The following DENND4B variants were observed in gnomAD, a reference collection of about 807,000 sequenced individuals.
The protein encoded by DENND4B is DENN domain-containing protein 4B.
In DENND4B, 67 loss-of-function variants were observed where a neutral mutation model predicts 161.0. The observed-to-expected ratio is 0.42, with a 90% CI of 0.34 to 0.51. The LOEUF (loss-of-function observed/expected upper bound fraction) is 0.51. Among genes scored for constraint, DENND4B ranks in the 20% least tolerant of loss-of-function variants. The pLI is 0.08. For missense variants in DENND4B, 1,481 were observed against 1,968.0 expected, an observed-to-expected ratio of 0.75 and a Z score of 4.68; for synonymous variants, 753 against 813.8, an observed-to-expected ratio of 0.93 and a Z score of 1.27.
chr1:153,930,161 C>G lies in DENND4B; in HGVS notation c.*136G>C. The G allele has an allele frequency of 8.3e-7, 1 of 1,208,122 alleles. No homozygotes were observed. The highest frequency in any genetic ancestry group is 1.1e-6 in the Non-Finnish European group (1 of 889,060). The allele number at this position is 1,208,122 out of a possible 1,614,324, so 74.8% of individuals were successfully genotyped here. ...ACAGTGGATCCCTCTTCCTGTTGTC[C>G]TCGCTTGGAGCCTTTGACTGGGCAT... On this transcript the variant is annotated 3_prime_UTR_variant, in exon 28 of 28. Coordinates refer to ENST00000361217, the MANE Select transcript of DENND4B (RefSeq NM_014856.3). This position sits in a 1 kb window ranked among gnomAD's most constrained non-coding sequence, Gnocchi z 4.7.
chr1:153,943,586 G>A (rs1259363944), intron 2 of DENND4B, among the ~76,000 whole-genome samples: 1 of 149,160 alleles, frequency 6.7e-6, no homozygotes, highest in Admixed American at 6.9e-5. Flanking sequence ...GCTGAGGCAG[G>A]AGAATTGCCT....
Position 153,930,485 on chromosome 1 carries a change from C to A in DENND4B, c.4346-43G>T. On this transcript the variant is annotated intron_variant, in intron 27 of 27. Coordinates refer to ENST00000361217, the MANE Select transcript of DENND4B (RefSeq NM_014856.3). This position sits in a 1 kb window ranked among gnomAD's most constrained non-coding sequence, Gnocchi z 4.7. ...AGTCAACATGTTAGGACCGCAGCCT[C>A]CCACACCTGGCCCCAGATCCCTAAA... 6.2e-7 allele frequency: 1 copy of A among 1,614,016 alleles called. No homozygotes were observed. Among genetic ancestry groups the A allele is most frequent in the Non-Finnish European group, 8.5e-7 (1 of 1,179,876 alleles).
Position 153,936,464 on chromosome 1 carries a change from G to T in DENND4B, c.2439+78C>A. ...AACTTCTTTCCTTAGTCTCCACCAA[G>T]TTTCCCTCTCACAGCCCTCTCCAGC... On this transcript the variant is annotated intron_variant, in intron 16 of 27. Transcript: ENST00000361217. The surrounding 1 kb of genome is among the most constrained non-coding windows in gnomAD (Gnocchi z 4.1). 1 of 1,430,428 alleles carries T rather than the reference G, an allele frequency of 7.0e-7. No homozygotes were observed. The highest frequency in any genetic ancestry group is 9.3e-7 in the Non-Finnish European group (1 of 1,071,356). 88.6% of individuals were successfully genotyped at this position (1,430,428 alleles called of 1,614,324 possible).
rs761798384 is a variant in DENND4B, at chr1:153,934,806, CTGCTGCTGCTGCTGCTGCTGCTGT to C, written c.2703_2726del (p.Gln903_Gln910del). ...CTTGATGTGCTGACACCTGCTCCTG[CTGCTGCTGCTGCTGCTGCTGCTGT>C]TGCTGCTGCTGCTGCTGTTGCCGTT... On this transcript the variant is annotated inframe_deletion, in exon 18 of 28. Coordinates refer to ENST00000361217, the MANE Select transcript of DENND4B (RefSeq NM_014856.3). The surrounding 1 kb of genome is among the most constrained non-coding windows in gnomAD (Gnocchi z 5.3). 1.3e-3 allele frequency: 1,001 copies of C among 787,008 alleles called. No individual in the cohort carries two copies. The highest frequency in any genetic ancestry group is 4.4e-3 in the Admixed American group (90 of 20,562). The allele number at this position is 787,008 out of a possible 1,614,324, so 48.8% of individuals were successfully genotyped here. A position where few individuals can be genotyped will look rare whatever the true frequency, so the allele number is the denominator to read the frequency against.
Position 153,930,485 on chromosome 1 carries a change from C to T in DENND4B, c.4346-43G>A, listed in dbSNP as rs1678839472. 3.1e-6 allele frequency: 5 copies of T among 1,614,016 alleles called. No individual in the cohort carries two copies. Among genetic ancestry groups the T allele is most frequent in the Non-Finnish European group, 4.2e-6 (5 of 1,179,876 alleles). On this transcript the variant is annotated intron_variant, in intron 27 of 27. Transcript: ENST00000361217. The surrounding 1 kb of genome is among the most constrained non-coding windows in gnomAD (Gnocchi z 4.7). The stretch of plus-strand genomic sequence containing the variant: ...AGTCAACATGTTAGGACCGCAGCCT[C>T]CCACACCTGGCCCCAGATCCCTAAA...
rs761427136 is a variant in DENND4B at position 153,942,897 on chromosome 1, C to T, written c.551G>A (p.Arg184His). 37 of 1,600,156 alleles carry T rather than the reference C, an allele frequency of 2.3e-5. No homozygotes were observed. Among genetic ancestry groups the T allele is most frequent in the South Asian group, 1.8e-4 (16 of 90,414 alleles). ...GTPHTYCRLP[R>H]NLNPGMWGPA... is the part of the protein sequence containing the mutation. Reference sequence around the variant, plus strand: ...ACTCACCATGCCAGGGTTGAGGTTGCGGGGCAGCCGGCAGTAAGTATGAGG... The same window carrying T: ...ACTCACCATGCCAGGGTTGAGGTTGTGGGGCAGCCGGCAGTAAGTATGAGG... Residue 184 changes from arginine (R) to histidine (H), a missense_variant, in exon 3 of 28, where the codon CGC becomes CAC. By Grantham distance (29) the Arg-to-His change is conservative (BLOSUM62 0). Transcript: ENST00000361217. This position sits in a 1 kb window ranked among gnomAD's most constrained non-coding sequence, Gnocchi z 6.9.
At position 153,933,617 on chromosome 1, in the gene DENND4B, T is replaced by C. The variant is rs1317223428; in HGVS notation, c.3196A>G (p.Thr1066Ala). The change falls in exon 20 of 28, where the codon ACT becomes GCT. Residue 1066 changes from threonine to alanine, a missense_variant. Coordinates refer to ENST00000361217, the MANE Select transcript of DENND4B (RefSeq NM_014856.3). This position sits in a 1 kb window ranked among gnomAD's most constrained non-coding sequence, Gnocchi z 5.7. Reference protein sequence around the residue: ...GLGARLQQLLTPSRHSPASRI... With the variant: ...GLGARLQQLLAPSRHSPASRI... ...GAGGCAGGGGAGTGGCGGGAAGGAG[T>C]GAGCAGCTGTTGGAGGCGGGCACCC... 6.5e-7 allele frequency: 1 copy of C among 1,542,974 alleles called. No homozygotes were observed. Among genetic ancestry groups the C allele is most frequent in the Non-Finnish European group, 8.7e-7 (1 of 1,149,346 alleles).
At chr1:153,935,796 G>A (rs1679297767) in intron 17 of DENND4B, 1 of 401,826 alleles carries the variant, frequency 2.5e-6, no homozygotes, top group Admixed American at 4.0e-5. Flanking sequence ...GATGTAAAAT[G>A]TGTGATGCGT....
rs1368996332 is a variant in DENND4B at position 153,944,750 on chromosome 1, C to A, written c.-23-353G>T. 6.6e-6 allele frequency among the ~76,000 whole-genome samples: 1 copy of A among 152,200 alleles called. No individual in the cohort carries two copies. The highest frequency in any genetic ancestry group is 6.5e-5 in the Admixed American group (1 of 15,278). ...TTTTTGTAATAGCCTTCCATGACAT[C>A]ATTCATGCTGGCCATGACATCATAC... On this transcript the variant is annotated intron_variant, in intron 1 of 27. Coordinates refer to ENST00000361217, the MANE Select transcript of DENND4B (RefSeq NM_014856.3). The surrounding 1 kb of genome is among the most constrained non-coding windows in gnomAD (Gnocchi z 4.8).
At chr1:153,939,282 G>A (rs1204820077) in intron 12 of DENND4B, among the ~76,000 whole-genome samples, 1 of 151,806 alleles carries the variant, frequency 6.6e-6, no homozygotes, top group Non-Finnish European at 1.5e-5. Flanking sequence ...ACTGGGGGGG[G>A]TCTCCAAGGG....
In DENND4B at chr1:153,944,108, G is replaced by A. The variant is rs374457492; in HGVS notation, c.267C>T (p.Pro89=). 38 of 1,605,226 alleles carry A rather than the reference G, an allele frequency of 2.4e-5. No homozygotes were observed. The highest frequency in any genetic ancestry group is 8.9e-5 in the South Asian group (8 of 90,180). The change falls in exon 2 of 28, where the codon CCC becomes CCT. Residue 89 remains proline, a synonymous_variant. Transcript: ENST00000361217. The surrounding 1 kb of genome is among the most constrained non-coding windows in gnomAD (Gnocchi z 4.8). ...LSAGLLGGTQ[P]VICYRRGRDK... ...CACGGCCCCTGCGGTAGCAGATGAC[G>A]GGTTGAGTTCCACCCAGAAGTCCAG...
At chr1:153,935,049 G>T in intron 17 of DENND4B, 85 bp from the exon 18 acceptor site, 1 of 1,562,536 alleles carries the variant, frequency 6.4e-7, no homozygotes, top group South Asian at 1.2e-5. Context: ...GAGCCCCAGG[G>T]ACCGCCCTTC....
rs1679844660 is a variant in DENND4B, at chr1:153,944,284, C to T, written c.91G>A (p.Val31Ile). ...CGCAGGGGCCCACTGGGTTCAGGAACCCACGTTTCCTCAGGGATGGGTGCT... is the reference window on the plus strand; with the variant it reads ...CGCAGGGGCCCACTGGGTTCAGGAATCCACGTTTCCTCAGGGATGGGTGCT... ...NGAPIPEETWVPEPSGPLRPP... is the reference protein window; with the variant it reads ...NGAPIPEETWIPEPSGPLRPP... The change falls in exon 2 of 28, where the codon GTT (valine) becomes ATT (isoleucine). Residue 31 changes from valine to isoleucine, a missense_variant. Physicochemically the swap from Val to Ile is conservative, Grantham distance 29. Coordinates refer to ENST00000361217, the MANE Select transcript of DENND4B (RefSeq NM_014856.3). The surrounding 1 kb of genome is among the most constrained non-coding windows in gnomAD (Gnocchi z 4.8). 7 of 1,603,678 alleles carry T rather than the reference C, an allele frequency of 4.4e-6. No individual in the cohort carries two copies. The highest frequency in any genetic ancestry group is 6.0e-6 in the Non-Finnish European group (7 of 1,174,122).
At chr1:153,938,879 C>T (rs1013343069) in intron 13 of DENND4B, 21 bp downstream of exon 13, 4 of 1,567,564 alleles carry the variant, frequency 2.6e-6, no homozygotes, top group Non-Finnish European at 3.5e-6. Flanking sequence ...GGCCAATGAG[C>T]ACATAGAGAA....
Position 153,943,020 on chromosome 1 carries a change from G to A in DENND4B, c.428C>T (p.Thr143Ile), listed in dbSNP as rs950372437. Reference protein sequence around the residue: ...LAPPGPGHPRTYLTYRRAAEG... With the variant: ...LAPPGPGHPRIYLTYRRAAEG... ...TGCTGCCCGCCGGTAAGTGAGGTAG[G>A]TGCGGGGGTGCCCGGGGCCTGGAGG... Residue 143 changes from threonine (T) to isoleucine (I), a missense_variant, in exon 3 of 28, where the codon ACC becomes ATC. By Grantham distance (89) the Thr-to-Ile change is moderately conservative. Coordinates refer to ENST00000361217, the MANE Select transcript of DENND4B (RefSeq NM_014856.3). 9.3e-6 allele frequency: 15 copies of A among 1,614,036 alleles called. No homozygotes were observed. The highest frequency in any genetic ancestry group is 1.3e-5 in the African/African-American group (1 of 75,068).
Position 153,931,873 on chromosome 1 carries a change from G to A in DENND4B, c.3996+331C>T, listed in dbSNP as rs528920901. ...GGCTGGAGGGCAATGGCGCGATCTCGGCTCACCACAACCTCCGCCTCCCAG... is the reference window on the plus strand; with the variant it reads ...GGCTGGAGGGCAATGGCGCGATCTCAGCTCACCACAACCTCCGCCTCCCAG... On this transcript the variant is annotated intron_variant, in intron 24 of 27. Transcript: ENST00000361217. 4.3e-5 allele frequency among the ~76,000 whole-genome samples: 6 copies of A among 139,872 alleles called. No individual in the cohort carries two copies. The South Asian group carries it at 6.9e-4, about 16-fold the overall frequency. The allele number at this position is 139,872 out of a possible 152,430, so 91.8% of individuals were successfully genotyped here.
At chr1:153,939,463 A>T in intron 12 of DENND4B, 126 bp downstream of exon 12, 1 of 1,106,804 alleles carries the variant, frequency 9.0e-7, no homozygotes, top group Non-Finnish European at 1.3e-6. Context: ...TGCCCATAAA[A>T]ACATTTGCCT....
intron 6 of DENND4B, 136 bp downstream of exon 6, chr1:153,941,733 G>A: frequency 1.4e-6 from 2 of 1,439,712 alleles, no homozygotes; most frequent in East Asian, 2.4e-5. Flanking sequence ...TGGATAAACT[G>A]TATAACCACA....
chr1:153,936,494 C>G lies in DENND4B; in HGVS notation c.2439+48G>C. 1 of 1,501,238 alleles carries G rather than the reference C, an allele frequency of 6.7e-7. No homozygotes were observed. The allele number at this position is 1,501,238 out of a possible 1,614,324, so 93.0% of individuals were successfully genotyped here. ...CCTCTCACAGCCCTCTCCAGCTGCACAAGGCTCACTGGGCCTGGGTATGAG... is the reference window on the plus strand; with the variant it reads ...CCTCTCACAGCCCTCTCCAGCTGCAGAAGGCTCACTGGGCCTGGGTATGAG... On this transcript the variant is annotated intron_variant, in intron 16 of 27. Coordinates refer to ENST00000361217, the MANE Select transcript of DENND4B (RefSeq NM_014856.3). This position sits in a 1 kb window ranked among gnomAD's most constrained non-coding sequence, Gnocchi z 4.1.
Sources: gnomAD v4.1 joint callset for allele counts (sites outside exome capture counted in the v4.1 genomes callset) on GRCh38, gnomAD v4.1.1 for gene constraint, Gnocchi (gnomAD v3.1) non-coding constraint, MANE v1.5 for transcripts, NCBI Gene and HGNC (gene_info 2026-07-23, HGNC 2026-07-21) for gene names.